Variants in GPM6A observed in about 807,000 individuals in gnomAD.
GPM6A encodes glycoprotein M6A.
In GPM6A, 7 loss-of-function variants were observed where a neutral mutation model predicts 32.1. That is an observed-to-expected ratio of 0.22 (90% CI 0.12 to 0.41). The LOEUF is 0.41. GPM6A is among the 10% of genes least tolerant of loss of function. The pLI is 1.00. For missense variants in GPM6A, 235 were observed against 347.2 expected (o/e 0.68, Z 2.57); for synonymous variants, 130 against 123.4 (o/e 1.05, Z -0.35).
At chr4:175,853,094 C>G (rs1017112395) in intron 1 of GPM6A, among the ~76,000 whole-genome samples, 1 of 152,098 alleles carries the variant, frequency 6.6e-6, no homozygotes, top group Non-Finnish European at 1.5e-5. Flanking sequence ...CTACAGAACA[C>G]TATTGAATGT....
At chr4:175,890,861 T>C (rs1737626479) in intron 1 of GPM6A, among the ~76,000 whole-genome samples, 1 of 152,130 alleles carries the variant, frequency 6.6e-6, no homozygotes, top group Non-Finnish European at 1.5e-5. Flanking sequence ...CCTCTAAGAA[T>C]GAACATTTTA....
chr4:175,955,955 G>A (rs1157429549), intron 1 of GPM6A, among the ~76,000 whole-genome samples: 4 of 152,126 alleles, frequency 2.6e-5, no homozygotes, highest in African/African-American at 4.8e-5. Flanking sequence ...TGTGGAAATA[G>A]TTACACCTTG....
At chr4:175,895,398 CA>C (rs759578465) in intron 1 of GPM6A, among the ~76,000 whole-genome samples, 1 of 151,246 alleles carries the variant, frequency 6.6e-6, no homozygotes, top group African/African-American at 2.4e-5. Flanking sequence ...CCTATCTTTT[CA>C]AAAAAAATGG....
intron 1 of GPM6A, among the ~76,000 whole-genome samples, chr4:175,869,357 A>G (rs1320918272): frequency 6.6e-6 from 1 of 152,188 alleles, no homozygotes; most frequent in Non-Finnish European, 1.5e-5. Flanking sequence ...TCTTTATAAT[A>G]ATATGTGATT....
chr4:175,793,088 T>G (rs1022426530), intron 1 of GPM6A, among the ~76,000 whole-genome samples: 1 of 152,164 alleles, frequency 6.6e-6, no homozygotes, highest in Non-Finnish European at 1.5e-5. Context: ...CCATTGTATC[T>G]TAAAAAGTTA....
intron 1 of GPM6A, among the ~76,000 whole-genome samples, chr4:175,935,354 G>T (rs79173117): frequency 0.054 from 8,285 of 152,218 alleles, 340 homozygotes; most frequent in Non-Finnish European, 0.084. Context: ...AGGAAAGAGA[G>T]GCAGGACACT....
At chr4:175,828,823 T>G (rs1033065993) in intron 1 of GPM6A, among the ~76,000 whole-genome samples, 1 of 152,050 alleles carries the variant, frequency 6.6e-6, no homozygotes, top group Non-Finnish European at 1.5e-5. Context: ...AACTTTATCT[T>G]TTAATGATAT....
chr4:175,764,352 C>A (rs1159165852), intron 1 of GPM6A, among the ~76,000 whole-genome samples: 1 of 152,146 alleles, frequency 6.6e-6, no homozygotes, highest in Non-Finnish European at 1.5e-5. Context: ...GTACTTCATT[C>A]TTTCTTATGC....
rs1734156655 is a variant in GPM6A, at chr4:175,794,861, C to G, written c.37+17330G>C. On this transcript the variant is annotated intron_variant, in intron 1 of 6. Coordinates refer to ENST00000393658, the MANE Select transcript of GPM6A (RefSeq NM_201591.3). ...GCCATATTATAAGGGCTTGATATGCCAAAATAAAGCTAATGGATTTAATTT... is the reference window on the plus strand; with the variant it reads ...GCCATATTATAAGGGCTTGATATGCGAAAATAAAGCTAATGGATTTAATTT... Among the ~76,000 whole-genome samples the G allele has an allele frequency of 1.3e-5, 2 of 152,002 alleles. 1 individual carries two copies. The highest frequency in any genetic ancestry group is 4.2e-4 in the South Asian group (2 of 4,818).
chr4:175,641,475 C>T (rs1741140289), intron 4 of GPM6A: 1 of 152,172 alleles, frequency 6.6e-6, no homozygotes, highest in Non-Finnish European at 1.5e-5. Flanking sequence ...TTAAAACGAG[C>T]ACAGAGGCAA....
At chr4:175,746,619 T>C (rs1360020266) in intron 1 of GPM6A, among the ~76,000 whole-genome samples, 2 of 152,154 alleles carry the variant, frequency 1.3e-5, no homozygotes, top group Admixed American at 1.3e-4. Context: ...GATCCAAATA[T>C]CTCTACCCTT....
intron 1 of GPM6A, among the ~76,000 whole-genome samples, chr4:175,718,342 G>A (rs1433992831): frequency 6.6e-6 from 1 of 152,174 alleles, no homozygotes; most frequent in Non-Finnish European, 1.5e-5. Flanking sequence ...TAGACTGGGT[G>A]TGGTGGCTCA....
At chr4:175,973,807 C>T (rs542019937) in intron 1 of GPM6A, among the ~76,000 whole-genome samples, 1 of 152,256 alleles carries the variant, frequency 6.6e-6, no homozygotes, top group East Asian at 1.9e-4. Flanking sequence ...TACACATCTG[C>T]GCCACCGCCG....
At chr4:175,647,970 T>A (rs1560850012) in intron 4 of GPM6A, among the ~76,000 whole-genome samples, 1 of 152,162 alleles carries the variant, frequency 6.6e-6, no homozygotes, top group Non-Finnish European at 1.5e-5. Context: ...GCCTTCTCTT[T>A]CTTTCAAATC....
At chr4:175,756,468 G>A (rs1417733217) in intron 1 of GPM6A, among the ~76,000 whole-genome samples, 1 of 152,156 alleles carries the variant, frequency 6.6e-6, no homozygotes, top group Admixed American at 6.5e-5. Context: ...CTGGTTTCAT[G>A]TTGTGTGTGA....
chr4:175,792,023 T>A (rs1296216520), intron 1 of GPM6A, among the ~76,000 whole-genome samples: 1 of 152,186 alleles, frequency 6.6e-6, no homozygotes, highest in Admixed American at 6.5e-5. Context: ...ATCAGTAAAA[T>A]TAGCATTGAC....
intron 1 of GPM6A, among the ~76,000 whole-genome samples, chr4:175,823,799 A>T (rs983442509): frequency 3.9e-5 from 6 of 152,174 alleles, no homozygotes; most frequent in Non-Finnish European, 7.3e-5. Flanking sequence ...GTAACCTAAA[A>T]ATTCTTATCT....
At chr4:175,711,409 AATATATATATATATATATAT>A (rs36105210) in intron 1 of GPM6A, among the ~76,000 whole-genome samples, 1,069 of 53,306 alleles carry the variant, frequency 0.02, 75 homozygotes, top group African/African-American at 0.084. Flanking sequence ...TGGCACACCA[AATATATATATATATATATAT>A]ATATATATAT....
Position 175,792,531 on chromosome 4 carries a change from A to C in GPM6A, c.37+19660T>G, listed in dbSNP as rs186674953. 2.6e-5 allele frequency among the ~76,000 whole-genome samples: 4 copies of C among 152,306 alleles called. No individual in the cohort carries two copies. The East Asian group carries it at 7.7e-4, about 29-fold the overall frequency. On this transcript the variant is annotated intron_variant, in intron 1 of 6. Coordinates refer to ENST00000393658, the MANE Select transcript of GPM6A (RefSeq NM_201591.3). ...GCATGCTTTCTTGTAAAGATACTCT[A>C]TAAAATTGAGAATGGCGTTATTTTT...
Sources: allele counts gnomAD v4.1 joint callset (sites outside exome capture counted in the v4.1 genomes callset), GRCh38; gene constraint gnomAD v4.1.1; transcripts MANE v1.5; gene names NCBI Gene and HGNC (gene_info 2026-07-23, HGNC 2026-07-21).